COL17A1: variants seen among roughly 807,000 people sequenced by gnomAD.
The protein encoded by COL17A1 is collagen alpha-1(XVII) chain.
A neutral mutation model predicts 218.4 loss-of-function variants in COL17A1; 181 were observed. The ratio of observed to expected loss-of-function variants is 0.83; its 90% CI spans 0.73 to 0.94. The LOEUF is 0.94. Ranked by LOEUF, COL17A1 falls within the 40% of genes least tolerant of loss-of-function variation. The pLI is 0.00. For synonymous variants in COL17A1, 721 were observed against 731.0 expected (o/e 0.99, Z 0.22); for missense variants, 1,924 against 1,945.9 (o/e 0.99, Z 0.21).
chr10:104,051,876 T>C (rs1156561860), intron 24 of COL17A1, among the ~76,000 whole-genome samples: 6 of 152,212 alleles, frequency 3.9e-5, no homozygotes, highest in African/African-American at 1.2e-4. Flanking sequence ...ATTTCCTGAA[T>C]GATCCATCCA....
rs1589568577 is a variant in COL17A1 at position 104,057,026 on chromosome 10, G to T, written c.1414C>A (p.Leu472Met). The T allele has an allele frequency of 6.3e-7, 1 of 1,597,352 alleles. No individual in the cohort carries two copies. The highest frequency in any genetic ancestry group is 1.3e-5 in the African/African-American group (1 of 74,690). The change falls in exon 17 of 56, where the codon CTG becomes ATG. Residue 472 changes from leucine (L) to methionine (M), a missense_variant. Leu to Met is a conservative substitution (Grantham distance 15, BLOSUM62 2). Transcript: ENST00000648076. The part of the protein sequence containing the change: ...CSWWKWLLGL[L>M]LTWLLLLGLL... ...CCCAGGAGTAGCAGCCAGGTGAGCA[G>T]CAGGCCCAGCAGCCACTTCCACCAG... is the stretch of plus-strand genomic sequence containing the variant.
chr10:104,052,336 G>T, intron 23 of COL17A1, 119 bp from the exon 24 acceptor site: 1 of 1,357,148 alleles, frequency 7.4e-7, no homozygotes, highest in Non-Finnish European at 1.0e-6. Context: ...GGATCCATTT[G>T]GTGCCCCAGT....
At chr10:104,036,370 G>T in intron 48 of COL17A1, 122 bp downstream of exon 48, 1 of 1,373,140 alleles carries the variant, frequency 7.3e-7, no homozygotes, top group Non-Finnish European at 1.0e-6. Flanking sequence ...ACTGCTCATT[G>T]CTGGGGTTGG....
rs375706395 is a variant in COL17A1 at position 104,032,740 on chromosome 10, C to T, written c.4372G>A (p.Ala1458Thr). The change falls in exon 55 of 56, where the codon GCT becomes ACT. Residue 1458 changes from alanine to threonine, a missense_variant. Transcript: ENST00000648076. The stretch of plus-strand genomic sequence containing the variant: ...GGCCCAGGATGACCTGGTGGCCCAG[C>T]AGGGCCCCTGTCACCTGGAAGGAAA... ...TPGPKGDRGP[A>T]GPPGHPGPPG... 9 of 1,614,178 alleles carry T rather than the reference C, an allele frequency of 5.6e-6. No homozygotes were observed. In the Admixed American group the frequency reaches 6.7e-5, roughly 12 times the overall value.
chr10:104,072,693 C>A (rs1245423393), intron 7 of COL17A1, among the ~76,000 whole-genome samples: 1 of 152,196 alleles, frequency 6.6e-6, no homozygotes. Flanking sequence ...ATGCTGCCCC[C>A]TACCCTGCCC....
intron 1 of COL17A1, among the ~76,000 whole-genome samples, chr10:104,081,609 G>A (rs2086765650): frequency 6.6e-6 from 1 of 152,200 alleles, no homozygotes. Context: ...GACTTACCCT[G>A]TGGTTCTCTC....
Position 104,061,395 on chromosome 10 carries a change from C to A in COL17A1, c.979+10G>T. On this transcript the variant is annotated intron_variant, in intron 13 of 55. Coordinates refer to ENST00000648076, the MANE Select transcript of COL17A1 (RefSeq NM_000494.4). Reference sequence around the variant, plus strand: ...CAGCCTGAACCCTGGCAGCTGGGAGCAGCACTCACCGGCGGAGGTGGAAAC... The same window carrying A: ...CAGCCTGAACCCTGGCAGCTGGGAGAAGCACTCACCGGCGGAGGTGGAAAC... 6.2e-7 allele frequency: 1 copy of A among 1,612,682 alleles called. No individual in the cohort carries two copies. Among genetic ancestry groups the A allele is most frequent in the Non-Finnish European group, 8.5e-7 (1 of 1,179,698 alleles).
chr10:104,060,931 A>G (rs144862736), intron 13 of COL17A1, among the ~76,000 whole-genome samples: 1,806 of 152,374 alleles, frequency 0.012, 16 homozygotes, highest in Admixed American at 0.023. Context: ...AGGCTTTCCA[A>G]TAAATGAATT....
Position 104,058,144 on chromosome 10 carries a change from A to T in COL17A1, c.1267+2T>A. ...ACTGCAGGGTTCGCGGTTCTCACCC[A>T]CCTGCAGTGGTGGTCTTGCCCTTTG... On this transcript the variant is annotated splice_donor_variant, in intron 16 of 55. Transcript: ENST00000648076. LOFTEE classifies it high-confidence loss of function. 1 of 1,614,132 alleles carries T rather than the reference A, an allele frequency of 6.2e-7. No homozygotes were observed. Among genetic ancestry groups the T allele is most frequent in the Non-Finnish European group, 8.5e-7 (1 of 1,180,026 alleles).
At chr10:104,067,477 C>G (rs2086636384) in intron 9 of COL17A1, among the ~76,000 whole-genome samples, 1 of 151,854 alleles carries the variant, frequency 6.6e-6, no homozygotes, top group Non-Finnish European at 1.5e-5. Context: ...GAATAAAAAG[C>G]CAATTAAGGA....
At position 104,036,782 on chromosome 10, in the gene COL17A1, A is replaced by T; in HGVS notation, c.3278-150T>A. 6 of 1,024,552 alleles carry T rather than the reference A, an allele frequency of 5.9e-6. No homozygotes were observed. In the South Asian group the frequency reaches 8.4e-5, roughly 14 times the overall value. The allele number at this position is 1,024,552 out of a possible 1,614,324, so 63.5% of individuals were successfully genotyped here. A position where few individuals can be genotyped will look rare whatever the true frequency, so the allele number is the denominator to read the frequency against. The stretch of plus-strand genomic sequence containing the variant: ...CGCAGGACCACGGTGTTCAGGGGGG[A>T]CACCAGCAAGCTGCCAGGTTCCCAA... On this transcript the variant is annotated intron_variant, in intron 47 of 55. Transcript: ENST00000648076.
Position 104,076,413 on chromosome 10 carries a change from G to A in COL17A1, c.219C>T (p.Gly73=). 1 of 1,614,124 alleles carries A rather than the reference G, an allele frequency of 6.2e-7. No homozygotes were observed. Among genetic ancestry groups the A allele is most frequent in the Non-Finnish European group, 8.5e-7 (1 of 1,179,994 alleles). ...GYINSTGSTR[G]HASTSSYRRA... ...TCCTGTAACTAGAGGTGGAGGCATGGCCTCGTGTGCTTCCAGCTGCAAGAG... is the reference window on the plus strand; with the variant it reads ...TCCTGTAACTAGAGGTGGAGGCATGACCTCGTGTGCTTCCAGCTGCAAGAG... Residue 73 remains glycine, a synonymous_variant, in exon 5 of 56, where the codon GGC becomes GGT. Coordinates refer to ENST00000648076, the MANE Select transcript of COL17A1 (RefSeq NM_000494.4).
chr10:104,035,427 T>C, intron 49 of COL17A1, 47 bp downstream of exon 49: 1 of 1,613,486 alleles, frequency 6.2e-7, no homozygotes, highest in Non-Finnish European at 8.5e-7. Flanking sequence ...CAAGGGACTC[T>C]GCTTCCTCCC....
chr10:104,042,567 T>C, intron 35 of COL17A1, 112 bp from the exon 36 acceptor site: 1 of 1,060,444 alleles, frequency 9.4e-7, no homozygotes, highest in Non-Finnish European at 1.4e-6. Context: ...GAGGCCACCT[T>C]GCTTATTTGA....
chr10:104,053,557 C>T (rs932468183), intron 22 of COL17A1, among the ~76,000 whole-genome samples: 2 of 151,962 alleles, frequency 1.3e-5, no homozygotes, highest in Non-Finnish European at 2.9e-5. Flanking sequence ...CTAGATCTCT[C>T]CTGCTTGGCT....
rs1012947728 is a variant in COL17A1, at chr10:104,055,150, A to G, written c.1718-143T>C. Reference sequence around the variant, plus strand: ...TGCGGCGAGTCCCTCCCAGTCCCAGAGTCTATGTCATTTGGGCTCATTGCT... The same window carrying G: ...TGCGGCGAGTCCCTCCCAGTCCCAGGGTCTATGTCATTTGGGCTCATTGCT... On this transcript the variant is annotated intron_variant, in intron 19 of 55. Transcript: ENST00000648076. 1.3e-5 allele frequency: 19 copies of G among 1,492,208 alleles called. No individual in the cohort carries two copies. The Admixed American group carries it at 3.2e-4, about 25-fold the overall frequency. 92.4% of individuals were successfully genotyped at this position (1,492,208 alleles called of 1,614,324 possible). A position where few individuals can be genotyped will look rare whatever the true frequency, so the allele number is the denominator to read the frequency against.
chr10:104,052,293 G>A, intron 23 of COL17A1, 76 bp from the exon 24 acceptor site: 2 of 1,589,698 alleles, frequency 1.3e-6, no homozygotes, highest in Non-Finnish European at 1.7e-6. Context: ...ACTGTCATTT[G>A]GAGGGGATGC....
chr10:104,056,152 G>A, intron 17 of COL17A1, 149 bp from the exon 18 acceptor site: 1 of 967,452 alleles, frequency 1.0e-6, no homozygotes. Flanking sequence ...ATCTGCCGTG[G>A]CCACCAGCAG....
chr10:104,037,644 T>C lies in COL17A1; in HGVS notation c.3200A>G (p.Tyr1067Cys), dbSNP rs2086313734. Residue 1067 changes from tyrosine to cysteine, a missense_variant, in exon 46 of 56, where the codon TAC becomes TGC. By Grantham distance (194) the Tyr-to-Cys change is radical. Transcript: ENST00000648076. The part of the protein sequence containing the change: ...YSELASHVVS[Y>C]LRTSGYGVSL... Reference sequence around the variant, plus strand: ...CGTGGGGAAGGGCTTACTCCGTAAGTAGCTCACAACGTGGCTTGCCAGCTC... The same window carrying C: ...CGTGGGGAAGGGCTTACTCCGTAAGCAGCTCACAACGTGGCTTGCCAGCTC... 1 of 1,614,184 alleles carries C rather than the reference T, an allele frequency of 6.2e-7. No homozygotes were observed. Among genetic ancestry groups the C allele is most frequent in the South Asian group, 1.1e-5 (1 of 91,084 alleles).
Sources: gnomAD v4.1 joint callset for allele counts (sites outside exome capture counted in the v4.1 genomes callset) on GRCh38, gnomAD v4.1.1 for gene constraint, MANE v1.5 for transcripts, NCBI Gene and HGNC (gene_info 2026-07-23, HGNC 2026-07-21) for gene names.